Variants in TENM2 observed in about 807,000 individuals in gnomAD.
TENM2 encodes the protein teneurin transmembrane protein 2, also known as teneurin-2.
A neutral mutation model predicts 245.2 loss-of-function variants in TENM2; 52 were observed. The observed-to-expected ratio is 0.21, with a 90% CI of 0.17 to 0.27. The LOEUF (loss-of-function observed/expected upper bound fraction) is 0.27. Ranked by LOEUF, TENM2 falls within the 10% of genes least tolerant of loss-of-function variation. The pLI, the probability that TENM2 is intolerant of heterozygous loss-of-function variation, is 1.00. For synonymous variants in TENM2, 1,363 were observed against 1,438.9 expected, an observed-to-expected ratio of 0.95 and a Z score of 1.19; for missense variants, 3,046 against 3,666.8, an observed-to-expected ratio of 0.83 and a Z score of 4.37.
intron 2 of TENM2, among the ~76,000 whole-genome samples, chr5:167,810,437 G>A (rs979837339): frequency 2.0e-5 from 3 of 151,618 alleles, no homozygotes; most frequent in Admixed American, 6.6e-5. Context: ...ACGGAACTTG[G>A]TCTCCCCATT....
rs186259703 is a variant in TENM2 at position 167,551,460 on chromosome 5, G to A, written c.502+175987G>A. Among the ~76,000 whole-genome samples, 97 of 152,216 alleles carry A rather than the reference G, an allele frequency of 6.4e-4. 2 individuals carry two copies. Among genetic ancestry groups the A allele is most frequent in the Non-Finnish European group, 7.4e-5 (5 of 68,022 alleles). ...TCATCCATCTATACATCTGTCAACAGTAAACCATAAAGAAGTACATAGTAA... is the reference window on the plus strand; with the variant it reads ...TCATCCATCTATACATCTGTCAACAATAAACCATAAAGAAGTACATAGTAA... On this transcript the variant is annotated intron_variant, in intron 2 of 28. Transcript: ENST00000518659.
At chr5:167,815,024 G>A (rs1766937385) in intron 2 of TENM2, among the ~76,000 whole-genome samples, 1 of 152,162 alleles carries the variant, frequency 6.6e-6, no homozygotes, top group Admixed American at 6.5e-5. Context: ...TTCCTGGAAT[G>A]TCTGTCTCCC....
At chr5:167,859,734 G>A (rs1406920936) in intron 2 of TENM2, among the ~76,000 whole-genome samples, 1 of 101,254 alleles carries the variant, frequency 9.9e-6, no homozygotes, top group East Asian at 3.4e-4. Flanking sequence ...GAGGGAGGTG[G>A]GGGGATCAGC....
the TENM2 span, among the ~76,000 whole-genome samples, chr5:167,159,474 G>GTGT: frequency 6.6e-6 from 1 of 152,084 alleles, no homozygotes; most frequent in African/African-American, 2.4e-5. Flanking sequence ...GAGTGAATAA[G>GTGT]TGTTTTCACC....
At chr5:167,871,582 A>G (rs189220222) in intron 2 of TENM2, among the ~76,000 whole-genome samples, 175 of 152,320 alleles carry the variant, frequency 1.1e-3, no homozygotes, top group African/African-American at 4.1e-3. Context: ...AAACACTTAC[A>G]CACACACCCA....
rs3067273 is a variant in TENM2, at chr5:167,312,921, T to TTTTC, written c.226+27858_226+27859insTTTC. On this transcript the variant is annotated intron_variant, in intron 1 of 28. Transcript: ENST00000518659. ...TGACCTTGACTCTTTTTTTTTTTTTTAAATGGAGCCTCCTTCTGTCACCCA... is the reference window on the plus strand; with the variant it reads ...TGACCTTGACTCTTTTTTTTTTTTTTTTTCAAATGGAGCCTCCTTCTGTCACCCA... 4.1e-5 allele frequency among the ~76,000 whole-genome samples: 6 copies of TTTTC among 146,570 alleles called. 1 individual carries two copies. The highest frequency in any genetic ancestry group is 3.0e-5 in the Non-Finnish European group (2 of 66,762).
chr5:167,342,374 T>C (rs529512716), intron 1 of TENM2, among the ~76,000 whole-genome samples: 7 of 152,272 alleles, frequency 4.6e-5, no homozygotes, highest in African/African-American at 1.7e-4. Flanking sequence ...GGAGGAAAGC[T>C]ACAAAGGTAA....
the TENM2 span, among the ~76,000 whole-genome samples, chr5:167,194,312 G>A: frequency 7.2e-5 from 11 of 151,952 alleles, no homozygotes; most frequent in South Asian, 4.2e-4. Context: ...GGAAGACGAC[G>A]CACGAAGGAA....
intron 2 of TENM2, among the ~76,000 whole-genome samples, chr5:167,562,490 G>T (rs369182117): frequency 6.6e-6 from 1 of 152,116 alleles, no homozygotes; most frequent in Admixed American, 6.5e-5. Flanking sequence ...CCCAGGTCAC[G>T]TCTGTTCTGC....
At chr5:167,212,305 A>G in the TENM2 span, among the ~76,000 whole-genome samples, 3 of 152,206 alleles carry the variant, frequency 2.0e-5, no homozygotes, top group East Asian at 5.8e-4. Flanking sequence ...AAGCCACAGC[A>G]GCAGCCGGAC....
upstream of TENM2, among the ~76,000 whole-genome samples, chr5:167,281,171 C>T (rs374052122): frequency 1.4e-3 from 211 of 150,638 alleles, no homozygotes; most frequent in Middle Eastern, 6.8e-3. Context: ...TGCAGTGGTA[C>T]GATCTTGGCT....
At chr5:167,618,654 A>G (rs1777955636) in intron 2 of TENM2, among the ~76,000 whole-genome samples, 2 of 152,158 alleles carry the variant, frequency 1.3e-5, no homozygotes, top group Non-Finnish European at 2.9e-5. Context: ...TAGTTGTCCC[A>G]GCCACCTGTG....
At chr5:167,247,221 A>T in the TENM2 span, among the ~76,000 whole-genome samples, 1 of 152,140 alleles carries the variant, frequency 6.6e-6, no homozygotes, top group Non-Finnish European at 1.5e-5. Flanking sequence ...AGCTTAAGGA[A>T]CTGCTCAAGG....
At chr5:167,139,450 C>T in the TENM2 span, among the ~76,000 whole-genome samples, 90 of 152,252 alleles carry the variant, frequency 5.9e-4, 2 homozygotes, top group East Asian at 0.015. Context: ...ATATTTTGGG[C>T]GTAAGACCAA....
chr5:167,275,618 T>A, the TENM2 span, among the ~76,000 whole-genome samples: 4 of 152,066 alleles, frequency 2.6e-5, no homozygotes, highest in Non-Finnish European at 4.4e-5. Flanking sequence ...TTGTTAGTGA[T>A]TCTAAATGCT....
intron 3 of TENM2, among the ~76,000 whole-genome samples, chr5:167,925,989 A>G (rs1056858342): frequency 6.6e-6 from 1 of 152,212 alleles, no homozygotes; most frequent in African/African-American, 2.4e-5. Flanking sequence ...GGAGCAGAGA[A>G]GATCACTATT....
intron 3 of TENM2, among the ~76,000 whole-genome samples, chr5:167,902,391 T>C (rs958622058): frequency 6.6e-6 from 1 of 152,208 alleles, no homozygotes; most frequent in Non-Finnish European, 1.5e-5. Context: ...GCTTCTGTCA[T>C]TGGTGCAGTT....
chr5:167,919,606 A>T (rs1777201134), intron 3 of TENM2, among the ~76,000 whole-genome samples: 1 of 152,182 alleles, frequency 6.6e-6, no homozygotes, highest in African/African-American at 2.4e-5. Context: ...TAACCCCTTG[A>T]CCTAAGAGGA....
chr5:167,952,738 C>G, exon 4 of TENM2: 1 of 1,595,098 alleles, frequency 6.3e-7, no homozygotes, highest in East Asian at 2.3e-5. Context: ...CCGGCCCCAG[C>G]GCCCAATGAC....
Sources: allele counts gnomAD v4.1 joint callset (sites outside exome capture counted in the v4.1 genomes callset), GRCh38; gene constraint gnomAD v4.1.1; transcripts MANE v1.5; gene names NCBI Gene and HGNC (gene_info 2026-07-23, HGNC 2026-07-21).